Variants in GRM7 observed in about 807,000 individuals in gnomAD.
GRM7 encodes metabotropic glutamate receptor 7.
In GRM7, 35 loss-of-function variants were observed where a neutral mutation model predicts 84.5. The ratio of observed to expected loss-of-function variants is 0.41; its 90% CI spans 0.32 to 0.55. GRM7 has a LOEUF of 0.55. Among genes scored for constraint, GRM7 ranks in the 20% least tolerant of loss-of-function variants. The pLI is 0.19. For missense variants in GRM7, 1,003 were observed against 1,194.6 expected (o/e 0.84, Z 2.36); for synonymous variants, 487 against 455.1 (o/e 1.07, Z -0.89).
intron 2 of GRM7, among the ~76,000 whole-genome samples, chr3:7,276,199 A>ATGTGTG (rs753084649): frequency 1.5e-5 from 2 of 129,354 alleles, no homozygotes; most frequent in Non-Finnish European, 3.3e-5. Flanking sequence ...AATTATATAT[A>ATGTGTG]TATATATATG....
intron 8 of GRM7, among the ~76,000 whole-genome samples, chr3:7,619,522 T>C (rs1412791411): frequency 6.6e-6 from 1 of 151,984 alleles, no homozygotes; most frequent in African/African-American, 2.4e-5. Flanking sequence ...ATGTTAACAG[T>C]TGATTTTTCG....
intron 9 of GRM7, among the ~76,000 whole-genome samples, chr3:7,688,064 C>T (rs1255273932): frequency 1.3e-5 from 2 of 151,996 alleles, no homozygotes; most frequent in East Asian, 1.9e-4. Context: ...AGTCTTTTTA[C>T]GTGAGACTGA....
intron 2 of GRM7, among the ~76,000 whole-genome samples, chr3:7,193,357 T>A (rs1355237872): frequency 6.6e-6 from 1 of 152,094 alleles, no homozygotes; most frequent in Non-Finnish European, 1.5e-5. Flanking sequence ...TTTTTCACCT[T>A]CTACCAAGCA....
At chr3:7,273,131 A>T (rs940699641) in intron 2 of GRM7, among the ~76,000 whole-genome samples, 3 of 151,934 alleles carry the variant, frequency 2.0e-5, no homozygotes, top group Admixed American at 1.3e-4. Context: ...GTGTTATATG[A>T]TATCCATGTA....
At chr3:7,464,047 C>A (rs189109620) in intron 7 of GRM7, among the ~76,000 whole-genome samples, 30 of 152,154 alleles carry the variant, frequency 2.0e-4, no homozygotes, top group Non-Finnish European at 3.5e-4. Context: ...CTTCAGTGTG[C>A]CTCAGAGCCA....
intron 1 of GRM7, among the ~76,000 whole-genome samples, chr3:6,994,911 A>G (rs1644436779): frequency 6.6e-6 from 1 of 152,210 alleles, no homozygotes; most frequent in South Asian, 2.1e-4. Flanking sequence ...GATGTACCAC[A>G]GCTATTTCCA....
At chr3:7,096,224 C>G (rs1221130104) in intron 1 of GRM7, among the ~76,000 whole-genome samples, 1 of 152,022 alleles carries the variant, frequency 6.6e-6, no homozygotes, top group Admixed American at 6.6e-5. Flanking sequence ...GGCAGTACAC[C>G]TAGTGATGCT....
At chr3:7,431,594 A>C (rs1252905828) in intron 5 of GRM7, among the ~76,000 whole-genome samples, 1 of 152,222 alleles carries the variant, frequency 6.6e-6, no homozygotes, top group African/African-American at 2.4e-5. Context: ...TGTTATCTGT[A>C]TAACTTTGGG....
chr3:6,880,877 T>G (rs1351253845), intron 1 of GRM7, among the ~76,000 whole-genome samples: 1 of 152,162 alleles, frequency 6.6e-6, no homozygotes, highest in Non-Finnish European at 1.5e-5. Flanking sequence ...AGGTAAGCAA[T>G]GTGTGTAATG....
chr3:7,604,842 G>A (rs940762218), intron 8 of GRM7, among the ~76,000 whole-genome samples: 1 of 152,060 alleles, frequency 6.6e-6, no homozygotes, highest in African/African-American at 2.4e-5. Flanking sequence ...GAAATCAGAC[G>A]TCCTTTGCAA....
intron 4 of GRM7, among the ~76,000 whole-genome samples, chr3:7,384,704 G>A (rs1005173288): frequency 6.6e-6 from 1 of 152,106 alleles, no homozygotes; most frequent in Non-Finnish European, 1.5e-5. Context: ...CGTTTCAGTT[G>A]TTCAACAGCC....
intron 1 of GRM7, among the ~76,000 whole-genome samples, chr3:7,137,009 G>A (rs113526335): frequency 1.6e-3 from 238 of 152,102 alleles, no homozygotes; most frequent in African/African-American, 5.5e-3. Flanking sequence ...TAGAGGTTAG[G>A]GCAGAGCCTT....
intron 9 of GRM7, among the ~76,000 whole-genome samples, chr3:7,683,178 T>C (rs1423496111): frequency 6.6e-6 from 1 of 152,216 alleles, no homozygotes; most frequent in African/African-American, 2.4e-5. Flanking sequence ...TCTTTAAACA[T>C]ACTGTAACGT....
intron 1 of GRM7, among the ~76,000 whole-genome samples, chr3:7,142,194 G>T (rs1693966936): frequency 6.6e-6 from 1 of 151,262 alleles, no homozygotes; most frequent in Non-Finnish European, 1.5e-5. Flanking sequence ...AAGGGAGGAT[G>T]GAAGGAAGGG....
chr3:7,035,736 C>T (rs1696363989), intron 1 of GRM7, among the ~76,000 whole-genome samples: 1 of 152,156 alleles, frequency 6.6e-6, no homozygotes, highest in Non-Finnish European at 1.5e-5. Flanking sequence ...CCAGCTAAGA[C>T]ACAAATGTGG....
Position 7,737,843 on chromosome 3 carries a change from A to ATT in GRM7, c.2699-2494_2699-2493dup, listed in dbSNP as rs35087158. ...GCACCAGGTAAAAATTATTCTCCCAATTTTTTTTTTTTTTTTTTTTTGACA... is the reference window on the plus strand; with the variant it reads ...GCACCAGGTAAAAATTATTCTCCCAATTTTTTTTTTTTTTTTTTTTTTTGACA... On this transcript the variant is annotated intron_variant, in intron 9 of 9. Coordinates refer to ENST00000357716, the MANE Select transcript of GRM7 (RefSeq NM_000844.4). Among the ~76,000 whole-genome samples, 97 of 134,452 alleles carry ATT rather than the reference A, an allele frequency of 7.2e-4. 2 individuals are homozygous for ATT. Among genetic ancestry groups the ATT allele is most frequent in the Admixed American group, 1.2e-3 (16 of 13,296 alleles). 88.2% of individuals were successfully genotyped at this position (134,452 alleles called of 152,430 possible).
In GRM7 at chr3:6,891,255, G is replaced by T. The variant is rs1419771566; in HGVS notation, c.519+29348G>T. Among the ~76,000 whole-genome samples, 7 of 152,230 alleles carry T rather than the reference G, an allele frequency of 4.6e-5. No individual in the cohort carries two copies. The South Asian group carries it at 1.5e-3, about 32-fold the overall frequency. ...ACATTTAAAGTTAATATTGTTATGT[G>T]TGAATTTGATCCTGTCATTATGATA... On this transcript the variant is annotated intron_variant, in intron 1 of 9. Coordinates refer to ENST00000357716, the MANE Select transcript of GRM7 (RefSeq NM_000844.4).
chr3:7,138,467 T>A (rs1473184218), intron 1 of GRM7, among the ~76,000 whole-genome samples: 2 of 152,064 alleles, frequency 1.3e-5, no homozygotes, highest in East Asian at 1.9e-4. Flanking sequence ...ACATAATCAC[T>A]TTATAGGCAT....
chr3:7,694,059 T>C (rs139945851), intron 9 of GRM7, among the ~76,000 whole-genome samples: 32 of 152,020 alleles, frequency 2.1e-4, no homozygotes, highest in African/African-American at 3.6e-4. Context: ...GCAGGAAGAG[T>C]AGCATTCATG....
Sources: allele counts gnomAD v4.1 joint callset (sites outside exome capture counted in the v4.1 genomes callset), GRCh38; gene constraint gnomAD v4.1.1; transcripts MANE v1.5; gene names NCBI Gene and HGNC (gene_info 2026-07-23, HGNC 2026-07-21).